DNAH6: variants seen among roughly 807,000 people sequenced by gnomAD.
DNAH6 encodes dynein axonemal heavy chain 6, also known as axonemal beta dynein heavy chain 6.
In DNAH6, 340 loss-of-function variants were observed where a neutral mutation model predicts 491.4. The observed-to-expected ratio is 0.69, with a 90% CI of 0.63 to 0.76. The LOEUF (loss-of-function observed/expected upper bound fraction) is 0.76. DNAH6 is among the 30% of genes least tolerant of loss of function. The probability of loss-of-function intolerance (pLI) is 0.00; values close to 1 mark genes in which losing one functional copy is unlikely to be tolerated. For synonymous variants in DNAH6, 1,603 were observed against 1,686.1 expected, an observed-to-expected ratio of 0.95 and a Z score of 1.21; for missense variants, 4,443 against 4,972.2, an observed-to-expected ratio of 0.89 and a Z score of 3.20.
At chr2:84,577,634 C>CTCTT (rs1256161569) in intron 13 of DNAH6, among the ~76,000 whole-genome samples, 1 of 151,978 alleles carries the variant, frequency 6.6e-6, no homozygotes, top group Non-Finnish European at 1.5e-5. Flanking sequence ...TCACACTGGC[C>CTCTT]TCTTGCTCCT....
At chr2:84,535,903 G>A (rs1348885520) in intron 4 of DNAH6, among the ~76,000 whole-genome samples, 1 of 151,810 alleles carries the variant, frequency 6.6e-6, no homozygotes, top group Non-Finnish European at 1.5e-5. Flanking sequence ...GAACTCTCTG[G>A]GGATTAAATA....
At chr2:84,708,153 C>T (rs1696652884) in intron 54 of DNAH6, among the ~76,000 whole-genome samples, 1 of 152,024 alleles carries the variant, frequency 6.6e-6, no homozygotes, top group Non-Finnish European at 1.5e-5. Context: ...GAAAGAAAGC[C>T]TCAGCTGGGT....
At chr2:84,695,148 C>G (rs140045998) in intron 46 of DNAH6, among the ~76,000 whole-genome samples, 102 of 152,006 alleles carry the variant, frequency 6.7e-4, no homozygotes, top group African/African-American at 2.3e-3. Context: ...TATAAAAATA[C>G]TTATCACAAA....
the DNAH6 span, among the ~76,000 whole-genome samples, chr2:84,477,998 T>G: frequency 2.0e-5 from 3 of 152,216 alleles, no homozygotes; most frequent in Non-Finnish European, 4.4e-5. Context: ...TGTACTTGTA[T>G]GTACACTTGA....
chr2:84,705,684 G>A lies in DNAH6; in HGVS notation c.8664G>A (p.Met2888Ile). 1 of 1,551,742 alleles carries A rather than the reference G, an allele frequency of 6.4e-7. No individual in the cohort carries two copies. Among genetic ancestry groups the A allele is most frequent in the Non-Finnish European group, 8.7e-7 (1 of 1,147,008 alleles). ...CKSMCMWVRA[M>I]DLYSRVVKVV... The stretch of plus-strand genomic sequence containing the variant: ...CTATGTGCATGTGGGTAAGAGCTAT[G>A]GATTTGTACTCTCGAGTGGTCAAGG... The change falls in exon 52 of 77, where the codon ATG becomes ATA. Residue 2888 changes from methionine to isoleucine, a missense_variant. By Grantham distance (10) the Met-to-Ile change is conservative (BLOSUM62 1). Coordinates refer to ENST00000389394, the MANE Select transcript of DNAH6 (RefSeq NM_001370.2).
chr2:84,774,232 A>C (rs1469485192), intron 64 of DNAH6, among the ~76,000 whole-genome samples: 1 of 152,034 alleles, frequency 6.6e-6, no homozygotes, highest in Non-Finnish European at 1.5e-5. Context: ...TCTGGAGTTA[A>C]TTTTGGTATA....
intron 70 of DNAH6, among the ~76,000 whole-genome samples, chr2:84,804,897 C>T (rs1679270575): frequency 6.6e-6 from 1 of 152,136 alleles, no homozygotes; most frequent in African/African-American, 2.4e-5. Context: ...TTCACCACAA[C>T]TTCTAATTCC....
At chr2:84,726,572 G>A (rs2104951948) in intron 60 of DNAH6, among the ~76,000 whole-genome samples, 1 of 152,228 alleles carries the variant, frequency 6.6e-6, no homozygotes, top group Non-Finnish European at 1.5e-5. Flanking sequence ...CTCATAGGTG[G>A]GAATTGAACA....
chr2:84,682,522 G>A (rs1408674239), intron 42 of DNAH6, among the ~76,000 whole-genome samples: 1 of 152,150 alleles, frequency 6.6e-6, no homozygotes. Context: ...CTAAGAGTCT[G>A]ACTTTCATAT....
At chr2:84,470,694 A>G in the DNAH6 span, among the ~76,000 whole-genome samples, 1 of 152,198 alleles carries the variant, frequency 6.6e-6, no homozygotes, top group South Asian at 2.1e-4. Context: ...CCTGTGACTT[A>G]GAATGCCTTA....
chr2:84,617,597 A>G (rs569941123), intron 23 of DNAH6, among the ~76,000 whole-genome samples: 1 of 151,796 alleles, frequency 6.6e-6, no homozygotes, highest in African/African-American at 2.4e-5. Context: ...CTCTATCTCC[A>G]TGAGTTCAAT....
intron 72 of DNAH6, among the ~76,000 whole-genome samples, chr2:84,809,608 C>G (rs1679767331): frequency 6.6e-6 from 1 of 152,056 alleles, no homozygotes; most frequent in South Asian, 2.1e-4. Context: ...TGATAAAGAC[C>G]CCCATAACAT....
At chr2:84,674,976 G>T (rs1918696) in intron 40 of DNAH6, among the ~76,000 whole-genome samples, 147,047 of 152,294 alleles carry the variant, frequency 0.97, 71,040 homozygotes, top group East Asian at 1. Flanking sequence ...GTCTTCTGAA[G>T]GCACCCATAT....
At chr2:84,523,646 T>C (rs558517965) in intron 2 of DNAH6, among the ~76,000 whole-genome samples, 7 of 152,244 alleles carry the variant, frequency 4.6e-5, no homozygotes, top group African/African-American at 1.7e-4. Flanking sequence ...GATTCTAGTA[T>C]GTTGTATCTT....
intron 18 of DNAH6, among the ~76,000 whole-genome samples, chr2:84,602,763 T>A (rs946274391): frequency 6.6e-6 from 1 of 151,244 alleles, no homozygotes; most frequent in African/African-American, 2.4e-5. Flanking sequence ...TACTTTAGGC[T>A]GTTTGACATT....
chr2:84,550,761 G>A (rs769672592), intron 9 of DNAH6, among the ~76,000 whole-genome samples: 24 of 152,236 alleles, frequency 1.6e-4, no homozygotes, highest in Admixed American at 4.6e-4. Context: ...CTTATAGTTC[G>A]TGGGGACATA....
chr2:84,558,043 G>A, intron 11 of DNAH6, 108 bp downstream of exon 11: 2 of 680,724 alleles, frequency 2.9e-6, no homozygotes, highest in South Asian at 2.7e-5. Flanking sequence ...TGTGAAAATT[G>A]GCATATGCCT....
chr2:84,797,529 A>T lies in DNAH6; in HGVS notation c.11360-8A>T. 1 of 1,548,578 alleles carries T rather than the reference A, an allele frequency of 6.5e-7. No individual in the cohort carries two copies. Among genetic ancestry groups the T allele is most frequent in the East Asian group, 2.4e-5 (1 of 40,880 alleles). On this transcript the variant is annotated splice_polypyrimidine_tract_variant and splice_region_variant and intron_variant, in intron 69 of 76. Transcript: ENST00000389394. ...AGACATATTTGTCTTCTGTGTTTTT[A>T]ATAACAGGCATCTATTTTGCACCCA...
At chr2:84,769,697 G>A (rs925312200) in intron 64 of DNAH6, among the ~76,000 whole-genome samples, 1 of 152,112 alleles carries the variant, frequency 6.6e-6, no homozygotes, top group Non-Finnish European at 1.5e-5. Flanking sequence ...CAGTAGAGAG[G>A]TACTACCCTG....
Sources: gnomAD v4.1 joint callset for allele counts (sites outside exome capture counted in the v4.1 genomes callset) on GRCh38, gnomAD v4.1.1 for gene constraint, MANE v1.5 for transcripts, NCBI Gene and HGNC (gene_info 2026-07-23, HGNC 2026-07-21) for gene names.